The following PLCE1 variants were observed in gnomAD, a reference collection of about 807,000 sequenced individuals.
PLCE1 encodes the protein phospholipase C epsilon 1.
Under a neutral mutation model 242.8 loss-of-function variants are expected in PLCE1, and 119 were observed. The observed-to-expected ratio is 0.49, with a 90% CI of 0.42 to 0.57. PLCE1 has a LOEUF of 0.57. Among genes scored for constraint, PLCE1 ranks in the 20% least tolerant of loss-of-function variants. The pLI is 0.00. For synonymous variants in PLCE1, 945 were observed against 1,017.4 expected (o/e 0.93, Z 1.35); for missense variants, 2,441 against 2,788.8 (o/e 0.88, Z 2.81).
intron 3 of PLCE1, among the ~76,000 whole-genome samples, chr10:94,148,044 C>G (rs931816317): frequency 2.0e-5 from 3 of 152,154 alleles, no homozygotes; most frequent in African/African-American, 7.2e-5. Context: ...AGTCCCAGAT[C>G]AACCATATAG....
intron 5 of PLCE1, among the ~76,000 whole-genome samples, chr10:94,229,381 G>A (rs1483131010): frequency 6.6e-6 from 1 of 152,194 alleles, no homozygotes; most frequent in Non-Finnish European, 1.5e-5. Context: ...TCACAGCACG[G>A]TGACTGGCTC....
chr10:94,069,963 A>G (rs1433049902), intron 2 of PLCE1, among the ~76,000 whole-genome samples: 1 of 152,112 alleles, frequency 6.6e-6, no homozygotes. Context: ...TCAACTGGCA[A>G]CTCCTAAAAT....
intron 24 of PLCE1, 139 bp from the exon 25 acceptor site, chr10:94,304,343 G>A (rs374118215): frequency 1.4e-5 from 11 of 798,790 alleles, no homozygotes; most frequent in East Asian, 2.5e-5. Flanking sequence ...TCTGTGGGAC[G>A]AATGGGTGAT....
At chr10:94,010,640 G>C (rs1057230159) in intron 1 of PLCE1, among the ~76,000 whole-genome samples, 6 of 152,116 alleles carry the variant, frequency 3.9e-5, no homozygotes, top group African/African-American at 7.2e-5. Context: ...GAAGCAGTCA[G>C]GCTACCTCTT....
Position 94,270,486 on chromosome 10 carries a change from G to A in PLCE1, c.4390G>A (p.Glu1464Lys). Residue 1464 changes from glutamate to lysine, a missense_variant and splice_region_variant, in exon 18 of 33, where the codon GAA becomes AAA. Coordinates refer to ENST00000371380, the MANE Select transcript of PLCE1 (RefSeq NM_016341.4). ...HTLTTKIPFK[E>K]VVEAIDRSAF... ...TAATGAGCTGTTTTGGCTCTCATAG[G>A]AAGTGGTTGAAGCCATTGATCGCAG... The A allele has an allele frequency of 1.2e-6, 2 of 1,604,414 alleles. No homozygotes were observed. The highest frequency in any genetic ancestry group is 1.7e-6 in the Non-Finnish European group (2 of 1,171,364).
chr10:94,073,176 G>A (rs1056551789), intron 2 of PLCE1, among the ~76,000 whole-genome samples: 5 of 148,244 alleles, frequency 3.4e-5, no homozygotes, highest in Non-Finnish European at 7.4e-5. Flanking sequence ...ACCAACCCCA[G>A]GCAGTTCATG....
intron 20 of PLCE1, 24 bp downstream of exon 20, chr10:94,279,935 T>G (rs2052134350): frequency 1.2e-6 from 2 of 1,611,904 alleles, no homozygotes; most frequent in African/African-American, 2.7e-5. Context: ...ATCCCTATGC[T>G]GTGCACAGGA....
chr10:94,089,372 A>G, intron 2 of PLCE1: 1 of 1,599,130 alleles, frequency 6.3e-7, no homozygotes, highest in Non-Finnish European at 8.5e-7. Flanking sequence ...CTTAAAGAAG[A>G]CCAGGTAAGG....
intron 4 of PLCE1, among the ~76,000 whole-genome samples, chr10:94,226,551 T>C (rs1034668972): frequency 2.0e-5 from 3 of 152,186 alleles, no homozygotes; most frequent in Non-Finnish European, 1.5e-5. Context: ...AGGGGCATAA[T>C]AGATAAAGCA....
intron 2 of PLCE1, among the ~76,000 whole-genome samples, chr10:94,121,610 C>T (rs1163605078): frequency 6.6e-6 from 1 of 152,148 alleles, no homozygotes; most frequent in Non-Finnish European, 1.5e-5. Context: ...TTTATAACAA[C>T]TCTGTTATAT....
At chr10:94,017,186 T>C (rs2061298763) in intron 1 of PLCE1, among the ~76,000 whole-genome samples, 1 of 152,166 alleles carries the variant, frequency 6.6e-6, no homozygotes, top group African/African-American at 2.4e-5. Context: ...CTTCAGATTG[T>C]GGACTCTGAA....
At chr10:94,322,169 G>A (rs111884447) in intron 30 of PLCE1, 110 bp downstream of exon 30, 17 of 1,003,128 alleles carry the variant, frequency 1.7e-5, no homozygotes, top group African/African-American at 1.4e-4. Context: ...CAACAACAGG[G>A]ACCTCAAAGG....
intron 29 of PLCE1, 44 bp downstream of exon 29, chr10:94,316,800 G>GTGAT: frequency 7.0e-7 from 1 of 1,419,190 alleles, no homozygotes; most frequent in East Asian, 2.3e-5. Context: ...GACTCATTAT[G>GTGAT]TGATTAGCCA....
At chr10:94,078,540 T>A (rs551860845) in intron 2 of PLCE1, among the ~76,000 whole-genome samples, 1 of 152,104 alleles carries the variant, frequency 6.6e-6, no homozygotes, top group Non-Finnish European at 1.5e-5. Context: ...TAGGCTGGAA[T>A]GCAGTGGTGC....
chr10:94,324,465 G>T lies in PLCE1; in HGVS notation c.6618G>T (p.Lys2206Asn). The T allele has an allele frequency of 6.2e-7, 1 of 1,614,182 alleles. No homozygotes were observed. Among genetic ancestry groups the T allele is most frequent in the Non-Finnish European group, 8.5e-7 (1 of 1,180,012 alleles). Reference sequence around the variant, plus strand: ...CCAACAAGAAGACTACCACACCAAAGTCCTCTCAGCGGGTCCTTCTGGATC... The same window carrying T: ...CCAACAAGAAGACTACCACACCAAATTCCTCTCAGCGGGTCCTTCTGGATC... ...DTTNKKTTTP[K>N]SSQRVLLDQE... Residue 2206 changes from lysine (K) to asparagine (N), a missense_variant, in exon 31 of 33, where the codon AAG (lysine) becomes AAT (asparagine). Physicochemically the swap from Lys to Asn is moderately conservative, Grantham distance 94. This residue lies in a region of PLCE1 where 310 missense variants were observed against 317.2 expected (regional missense o/e 0.98). Transcript: ENST00000371380.
intron 2 of PLCE1, among the ~76,000 whole-genome samples, chr10:94,075,141 A>C (rs1444243323): frequency 6.6e-6 from 1 of 152,128 alleles, no homozygotes; most frequent in Non-Finnish European, 1.5e-5. Flanking sequence ...CACATTCACC[A>C]TCACAATTAG....
chr10:94,049,718 C>A (rs1359693310), intron 2 of PLCE1, among the ~76,000 whole-genome samples: 1 of 152,124 alleles, frequency 6.6e-6, no homozygotes, highest in Non-Finnish European at 1.5e-5. Context: ...TTAGCCAGCA[C>A]CCAAACCAAC....
intron 2 of PLCE1, chr10:94,096,473 C>G (rs1464875748): frequency 6.6e-6 from 1 of 151,954 alleles, no homozygotes; most frequent in African/African-American, 2.4e-5. Flanking sequence ...GGAGAAGTAC[C>G]AAGAAAAAGG....
intron 2 of PLCE1, among the ~76,000 whole-genome samples, chr10:94,123,062 G>A (rs1386553251): frequency 6.6e-6 from 1 of 152,206 alleles, no homozygotes; most frequent in Non-Finnish European, 1.5e-5. Flanking sequence ...TTCCAGTGGG[G>A]AAATAGTAGG....
Sources: allele counts gnomAD v4.1 joint callset (sites outside exome capture counted in the v4.1 genomes callset), GRCh38; gene constraint gnomAD v4.1.1; regional missense constraint gnomAD v4.1.1; transcripts MANE v1.5; gene names NCBI Gene and HGNC (gene_info 2026-07-23, HGNC 2026-07-21).